The following ADRM1 variants were observed in gnomAD, a reference collection of about 807,000 sequenced individuals.
ADRM1 encodes the protein ADRM1 26S proteasome ubiquitin receptor, also known as proteasomal ubiquitin receptor ADRM1.
A neutral mutation model predicts 40.1 loss-of-function variants in ADRM1; 2 were observed. The observed-to-expected ratio is 0.05, with a 90% CI of 0.02 to 0.16. ADRM1 has a LOEUF of 0.16. Ranked by LOEUF, ADRM1 falls within the 10% of genes least tolerant of loss-of-function variation. The pLI, the probability that ADRM1 is intolerant of heterozygous loss-of-function variation, is 1.00. For missense variants in ADRM1, 467 were observed against 552.5 expected (o/e 0.85, Z 1.55); for synonymous variants, 287 against 240.4 (o/e 1.19, Z -1.79).
At chr20:62,305,839 A>C in intron 3 of ADRM1, 1 of 251,464 alleles carries the variant, frequency 4.0e-6, no homozygotes, top group East Asian at 8.9e-5. Flanking sequence ...GGTTGAAGGA[A>C]GGAGACGGGT....
Position 62,306,691 on chromosome 20 carries a change from C to G in ADRM1, c.498C>G (p.Ser166Arg), listed in dbSNP as rs1041429242. 1 of 1,610,366 alleles carries G rather than the reference C, an allele frequency of 6.2e-7. No individual in the cohort carries two copies. The highest frequency in any genetic ancestry group is 1.3e-5 in the African/African-American group (1 of 74,912). Residue 166 changes from serine (S) to arginine (R), a missense_variant, in exon 5 of 10, where the codon AGC becomes AGG. Physicochemically the swap from Ser to Arg is moderately radical, Grantham distance 110. Coordinates refer to ENST00000253003, the MANE Select transcript of ADRM1 (RefSeq NM_007002.4). ...GCCTGCTGGGAAACATGAGCCACAG[C>G]CAGCTCATGCAGCTCATCGGACCAG... ...LQSLLGNMSH[S>R]QLMQLIGPAG...
chr20:62,304,824 A>G (rs1475905839), intron 3 of ADRM1, among the ~76,000 whole-genome samples: 1 of 152,196 alleles, frequency 6.6e-6, no homozygotes, highest in East Asian at 1.9e-4. Context: ...AGGCAGACAG[A>G]CATGCTGGCC....
Position 62,308,712 on chromosome 20 carries a change from G to A in ADRM1, c.1175G>A (p.Gly392Asp), listed in dbSNP as rs561922905. The change falls in exon 10 of 10, where the codon GGC (glycine) becomes GAC (aspartate). Residue 392 changes from glycine to aspartate, a missense_variant. Gly to Asp is a moderately conservative substitution (Grantham distance 94). This residue lies in a region of ADRM1 where 418 missense variants were observed against 474.6 expected (regional missense o/e 0.88). Coordinates refer to ENST00000253003, the MANE Select transcript of ADRM1 (RefSeq NM_007002.4). ...AACGCCAAGCCCGAGCAGAAAGAGG[G>A]CGACACGAAGGACAAGAAGGACGAA... ...QNNAKPEQKEGDTKDKKDEEE... is the reference protein window; with the variant it reads ...QNNAKPEQKEDDTKDKKDEEE... The A allele has an allele frequency of 7.5e-6, 12 of 1,602,944 alleles. No individual in the cohort carries two copies. The highest frequency in any genetic ancestry group is 1.0e-5 in the Non-Finnish European group (12 of 1,171,362).
intron 2 of ADRM1, chr20:62,304,038 G>T: frequency 1.8e-6 from 1 of 547,592 alleles, no homozygotes; most frequent in South Asian, 2.1e-5. Flanking sequence ...GCCTGGCCTT[G>T]AACTGTCCGT....
Position 62,306,237 on chromosome 20 carries a change from T to A in ADRM1, c.371T>A (p.Val124Asp). The A allele has an allele frequency of 6.2e-7, 1 of 1,613,220 alleles. No homozygotes were observed. Among genetic ancestry groups the A allele is most frequent in the Non-Finnish European group, 8.5e-7 (1 of 1,179,914 alleles). Residue 124 changes from valine (V) to aspartate (D), a missense_variant, in exon 4 of 10, where the codon GTC becomes GAC. By Grantham distance (152) the Val-to-Asp change is radical. Coordinates refer to ENST00000253003, the MANE Select transcript of ADRM1 (RefSeq NM_007002.4). Reference protein sequence around the residue: ...TDQDEEHCRKVNEYLNNPPMP... With the variant: ...TDQDEEHCRKDNEYLNNPPMP... The stretch of plus-strand genomic sequence containing the variant: ...CAGGATGAGGAGCATTGCCGGAAAG[T>A]CAACGAGTATCTGAACAACCCCCCG...
At chr20:62,303,275 C>T (rs1380318910) in intron 1 of ADRM1, 2 of 256,958 alleles carry the variant, frequency 7.8e-6, no homozygotes, top group African/African-American at 4.5e-5. Context: ...CGGGTCTGCC[C>T]CGCGGAGCGG....
At chr20:62,305,444 A>G (rs1385614097) in intron 3 of ADRM1, 2 of 152,286 alleles carry the variant, frequency 1.3e-5, no homozygotes, top group African/African-American at 2.4e-5. Flanking sequence ...AACTCCAGTT[A>G]AACTTTATTT....
Position 62,307,788 on chromosome 20 carries a change from C to T in ADRM1, c.816C>T (p.Ala272=). Residue 272 remains alanine (A), a synonymous_variant, in exon 7 of 10, where the codon GCC becomes GCT. Coordinates refer to ENST00000253003, the MANE Select transcript of ADRM1 (RefSeq NM_007002.4). The part of the protein sequence containing the change: ...IQLSDLQSIL[A]TMNVPAGPAG... The stretch of plus-strand genomic sequence containing the variant: ...TGAGCGACCTCCAGAGCATCCTGGC[C>T]ACGATGAACGTACCAGCCGGGCCAG... 1 of 1,611,112 alleles carries T rather than the reference C, an allele frequency of 6.2e-7. No homozygotes were observed. Among genetic ancestry groups the T allele is most frequent in the Non-Finnish European group, 8.5e-7 (1 of 1,179,478 alleles).
chr20:62,306,140 G>A, intron 3 of ADRM1, 57 bp from the exon 4 acceptor site: 3 of 1,575,080 alleles, frequency 1.9e-6, no homozygotes, highest in Non-Finnish European at 2.6e-6. Flanking sequence ...GGATGGCTGT[G>A]GTGGCCCTGG....
rs754630756 is a variant in ADRM1 at position 62,308,317 on chromosome 20, CTG to C, written c.1015-50_1015-49del. On this transcript the variant is annotated intron_variant, in intron 8 of 9. Transcript: ENST00000253003. The stretch of plus-strand genomic sequence containing the variant: ...GAGCTGGCAGCTGAGCAGTGTGGCT[CTG>C]GGGTGCAGCCCGGGTTGGAGCTCAG... 5.1e-6 allele frequency: 8 copies of C among 1,555,674 alleles called. No individual in the cohort carries two copies. The African/African-American group carries it at 9.5e-5, about 18-fold the overall frequency.
chr20:62,305,977 T>G, intron 3 of ADRM1: 1 of 566,344 alleles, frequency 1.8e-6, no homozygotes, highest in Non-Finnish European at 3.1e-6. Context: ...CACCCGGGAT[T>G]GCGGCGGATG....
In ADRM1 at chr20:62,308,830, A is replaced by C; in HGVS notation, c.*69A>C. ...GCACACCCTCACCTCCCACCCACTG[A>C]TTATTAATAAAGTCTTTTCTTTTAC... On this transcript the variant is annotated 3_prime_UTR_variant, in exon 10 of 10. Coordinates refer to ENST00000253003, the MANE Select transcript of ADRM1 (RefSeq NM_007002.4). 6.4e-7 allele frequency: 1 copy of C among 1,564,098 alleles called. No individual in the cohort carries two copies.
At chr20:62,305,741 T>C in intron 3 of ADRM1, 1 of 188,612 alleles carries the variant, frequency 5.3e-6, no homozygotes, top group Admixed American at 5.4e-5. Context: ...TGTGCACATG[T>C]GTGTGCACAC....
Position 62,303,577 on chromosome 20 carries a change from C to A in ADRM1, c.9C>A (p.Thr3=). 1.3e-6 allele frequency: 2 copies of A among 1,581,174 alleles called. No homozygotes were observed. Among genetic ancestry groups the A allele is most frequent in the Non-Finnish European group, 1.7e-6 (2 of 1,163,476 alleles). MT[T]SGALFPSLVP... is the part of the protein sequence containing the mutation. ...CTCTCCGCGCTTTCAGGATGACGAC[C>A]TCAGGCGCGCTCTTTCCAAGCCTGG... Residue 3 remains threonine, a synonymous_variant, in exon 2 of 10, where the codon ACC becomes ACA. Transcript: ENST00000253003.
intron 3 of ADRM1, 114 bp downstream of exon 3, chr20:62,304,691 G>A (rs1396813427): frequency 4.9e-6 from 5 of 1,011,188 alleles, no homozygotes; most frequent in African/African-American, 1.6e-5. Context: ...GGCCACACCC[G>A]GCCACACGGC....
At position 62,308,842 on chromosome 20, in the gene ADRM1, GTCTTT is replaced by G. The variant is rs752781601; in HGVS notation, c.*88_*92del. 3.7e-5 allele frequency: 57 copies of G among 1,541,690 alleles called. 1 individual carries two copies. The highest frequency in any genetic ancestry group is 2.2e-4 in the South Asian group (18 of 82,092). ...CTCCCACCCACTGATTATTAATAAA[GTCTTT>G]TCTTTTACCTGCCAATGCTTAGTTT... On this transcript the variant is annotated 3_prime_UTR_variant, in exon 10 of 10. Transcript: ENST00000253003.
In ADRM1 at chr20:62,303,010, C is replaced by G. The variant is rs73628093; in HGVS notation, c.-41C>G. The stretch of plus-strand genomic sequence containing the variant: ...GCAGGCGCCGAGGAGGAAGAGCGAG[C>G]CCGGACGGCGCCTCTCGAACGAGTG... On this transcript the variant is annotated 5_prime_UTR_variant, in exon 1 of 10. Coordinates refer to ENST00000253003, the MANE Select transcript of ADRM1 (RefSeq NM_007002.4). 2 of 152,204 alleles carry G rather than the reference C, an allele frequency of 1.3e-5. No individual in the cohort carries two copies. The highest frequency in any genetic ancestry group is 4.8e-5 in the African/African-American group (2 of 41,530). 9.4% of individuals were successfully genotyped at this position (152,204 alleles called of 1,614,324 possible).
In ADRM1 at chr20:62,303,852, C is replaced by T. The variant is rs553535231; in HGVS notation, c.213+71C>T. 29 of 1,508,474 alleles carry T rather than the reference C, an allele frequency of 1.9e-5. No homozygotes were observed. In the East Asian group the frequency reaches 4.6e-4, roughly 24 times the overall value. 93.4% of individuals were successfully genotyped at this position (1,508,474 alleles called of 1,614,324 possible). On this transcript the variant is annotated intron_variant, in intron 2 of 9. Coordinates refer to ENST00000253003, the MANE Select transcript of ADRM1 (RefSeq NM_007002.4). ...CCCTCGGAGTCCTCGCTTTGGAGTT[C>T]GCGGTGGGGGCTTGGCCGCATCTGG...
At position 62,307,710 on chromosome 20, in the gene ADRM1, C is replaced by T. The variant is rs1208935799; in HGVS notation, c.738C>T (p.Pro246=). The change falls in exon 7 of 10, where the codon CCC becomes CCT. Residue 246 remains proline (P), a synonymous_variant. Transcript: ENST00000253003. The part of the protein sequence containing the change: ...AASATSPSPA[P]SSGNGASTAA... ...CAGCAACTAGCCCGAGCCCCGCGCC[C>T]AGTTCCGGGAATGGAGCCAGCACAG... 9 of 1,612,106 alleles carry T rather than the reference C, an allele frequency of 5.6e-6. No individual in the cohort carries two copies. Among genetic ancestry groups the T allele is most frequent in the Non-Finnish European group, 7.6e-6 (9 of 1,179,858 alleles).
Sources: allele counts gnomAD v4.1 joint callset (sites outside exome capture counted in the v4.1 genomes callset), GRCh38; gene constraint gnomAD v4.1.1; regional missense constraint gnomAD v4.1.1; transcripts MANE v1.5; gene names NCBI Gene and HGNC (gene_info 2026-07-23, HGNC 2026-07-21).